Variants in SPAG17 observed in about 807,000 individuals in gnomAD.
SPAG17 encodes the protein sperm associated antigen 17.
SPAG17 carries 169 observed loss-of-function variants against 273.6 expected under a neutral mutation model. The observed-to-expected ratio is 0.62, with a 90% CI of 0.55 to 0.70. The LOEUF is 0.70. Ranked by LOEUF, SPAG17 falls within the 30% of genes least tolerant of loss-of-function variation. The pLI, the probability that SPAG17 is intolerant of heterozygous loss-of-function variation, is 0.00. For synonymous variants in SPAG17, 825 were observed against 873.2 expected, an observed-to-expected ratio of 0.94 and a Z score of 0.97; for missense variants, 2,557 against 2,627.8, an observed-to-expected ratio of 0.97 and a Z score of 0.59.
intron 3 of SPAG17, among the ~76,000 whole-genome samples, chr1:118,123,564 C>G (rs909137484): frequency 6.6e-5 from 10 of 152,194 alleles, no homozygotes; most frequent in African/African-American, 2.4e-4. Flanking sequence ...GCTCAGACCA[C>G]AGCTTGGTGA....
intron 1 of SPAG17, among the ~76,000 whole-genome samples, chr1:118,181,305 C>T (rs1009704382): frequency 6.6e-6 from 1 of 151,678 alleles, no homozygotes; most frequent in Non-Finnish European, 1.5e-5. Context: ...TTTAAATGTA[C>T]ATGTATTAAA....
chr1:117,979,534 T>A (rs1447466325), intron 43 of SPAG17, among the ~76,000 whole-genome samples: 2 of 152,170 alleles, frequency 1.3e-5, no homozygotes, highest in Non-Finnish European at 2.9e-5. Context: ...GCTCTTTTTC[T>A]CACTCCTCCC....
intron 3 of SPAG17, among the ~76,000 whole-genome samples, chr1:118,124,002 T>C (rs577402616): frequency 2.0e-5 from 3 of 152,284 alleles, no homozygotes; most frequent in East Asian, 1.9e-4. Flanking sequence ...ATTTTAGAAA[T>C]GTTTGCTGGA....
intron 38 of SPAG17, among the ~76,000 whole-genome samples, chr1:117,988,525 A>C (rs1307982507): frequency 2.0e-5 from 3 of 152,190 alleles, no homozygotes; most frequent in Non-Finnish European, 4.4e-5. Flanking sequence ...AAACAAATTA[A>C]CCATAACATT....
intron 1 of SPAG17, among the ~76,000 whole-genome samples, chr1:118,167,966 C>T (rs1660249179): frequency 6.6e-6 from 1 of 152,184 alleles, no homozygotes; most frequent in Admixed American, 6.5e-5. Context: ...CTGCTCCTGC[C>T]ATGTAAGACA....
chr1:118,032,915 T>C (rs143457634), intron 24 of SPAG17, among the ~76,000 whole-genome samples: 100 of 152,292 alleles, frequency 6.6e-4, no homozygotes, highest in African/African-American at 2.2e-3. Flanking sequence ...GTTTTTAGGT[T>C]GCAGGGTTTA....
intron 20 of SPAG17, among the ~76,000 whole-genome samples, chr1:118,050,704 G>T (rs1338522790): frequency 6.6e-6 from 1 of 152,152 alleles, no homozygotes; most frequent in East Asian, 1.9e-4. Context: ...GCAAAAGAAT[G>T]AAATTAGACT....
In SPAG17 at chr1:118,028,402, T is replaced by G. The variant is rs562047626; in HGVS notation, c.3610-8A>C. The G allele has an allele frequency of 9.3e-6, 15 of 1,612,112 alleles. No individual in the cohort carries two copies. In the South Asian group the frequency reaches 1.7e-4, roughly 18 times the overall value. On this transcript the variant is annotated splice_region_variant and splice_polypyrimidine_tract_variant and intron_variant, in intron 25 of 48. Transcript: ENST00000336338. ...TGGTTCTACTTCTTCTTCCTGTAAA[T>G]AATTCAGCATGTGAATAATGGGCTG...
intron 17 of SPAG17, among the ~76,000 whole-genome samples, chr1:118,069,869 T>C (rs1010047284): frequency 7.9e-5 from 12 of 152,026 alleles, no homozygotes; most frequent in African/African-American, 2.7e-4. Context: ...GAGTGTTTCA[T>C]GGGGGAAGGG....
chr1:118,181,965 A>G (rs1040049993), intron 1 of SPAG17, among the ~76,000 whole-genome samples: 2 of 152,122 alleles, frequency 1.3e-5, no homozygotes, highest in Non-Finnish European at 2.9e-5. Flanking sequence ...TTAAATACAG[A>G]ATTATCATAT....
chr1:117,980,367 C>T (rs1160012319), intron 43 of SPAG17, among the ~76,000 whole-genome samples: 2 of 151,932 alleles, frequency 1.3e-5, no homozygotes, highest in Non-Finnish European at 2.9e-5. Context: ...CGGTAGCTAG[C>T]ATTACAGGCA....
At chr1:118,168,118 T>G (rs1287248673) in intron 1 of SPAG17, among the ~76,000 whole-genome samples, 1 of 152,190 alleles carries the variant, frequency 6.6e-6, no homozygotes, top group Non-Finnish European at 1.5e-5. Flanking sequence ...CAGTCCCTGG[T>G]ATTTCTTTAT....
At chr1:118,035,919 G>A (rs561684808) in intron 24 of SPAG17, among the ~76,000 whole-genome samples, 35 of 152,266 alleles carry the variant, frequency 2.3e-4, no homozygotes, top group Non-Finnish European at 4.1e-4. Flanking sequence ...AAGGCCAGGT[G>A]CAGTGGTTCA....
At position 118,184,989 on chromosome 1, in the gene SPAG17, C is replaced by G. The variant is rs757625908; in HGVS notation, c.87+82G>C. ...GGAGAGATACGGAAGAGAGGGCGAG[C>G]CTTAAGGCGTCGCCTAGGAGGGTCT... On this transcript the variant is annotated intron_variant, in intron 1 of 48. Transcript: ENST00000336338. 106 of 1,193,784 alleles carry G rather than the reference C, an allele frequency of 8.9e-5. 1 individual carries two copies. The Middle Eastern group carries it at 3.6e-3, about 41-fold the overall frequency. The allele number at this position is 1,193,784 out of a possible 1,614,324, so 73.9% of individuals were successfully genotyped here. A position where few individuals can be genotyped will look rare whatever the true frequency, so the allele number is the denominator to read the frequency against.
intron 3 of SPAG17, among the ~76,000 whole-genome samples, chr1:118,148,139 G>T (rs531163317): frequency 1.1e-4 from 17 of 152,232 alleles, no homozygotes; most frequent in Non-Finnish European, 2.1e-4. Context: ...TTCTCCCACA[G>T]TGCAGAGTTT....
intron 4 of SPAG17, 103 bp from the exon 5 acceptor site, chr1:118,102,029 T>A: frequency 1.0e-6 from 1 of 975,932 alleles, no homozygotes; most frequent in African/African-American, 1.6e-5. Context: ...ATCACTTGTA[T>A]ACTCTTTATT....
At chr1:117,984,838 G>C (rs1372688420) in intron 40 of SPAG17, 56 bp from the exon 41 acceptor site, 1 of 1,139,452 alleles carries the variant, frequency 8.8e-7, no homozygotes, top group South Asian at 1.3e-5. Flanking sequence ...TTAAAGTGTT[G>C]TTTGTTTGTG....
intron 28 of SPAG17, among the ~76,000 whole-genome samples, chr1:118,020,116 G>A (rs1354273387): frequency 2.0e-5 from 3 of 152,106 alleles, no homozygotes; most frequent in Non-Finnish European, 2.9e-5. Context: ...AGACATTAGG[G>A]TAAAAAGAAT....
intron 48 of SPAG17, among the ~76,000 whole-genome samples, chr1:117,956,756 A>C (rs998692340): frequency 2.6e-5 from 4 of 152,226 alleles, no homozygotes; most frequent in Admixed American, 6.5e-5. Flanking sequence ...AATGGACTCA[A>C]TATATGGTAA....
Sources: allele counts gnomAD v4.1 joint callset (sites outside exome capture counted in the v4.1 genomes callset), GRCh38; gene constraint gnomAD v4.1.1; transcripts MANE v1.5; gene names NCBI Gene and HGNC (gene_info 2026-07-23, HGNC 2026-07-21).